Variants in GRAMD1C observed in about 807,000 individuals in gnomAD.
GRAMD1C encodes the protein protein Aster-C.
A neutral mutation model predicts 97.8 loss-of-function variants in GRAMD1C; 89 were observed. The ratio of observed to expected loss-of-function variants is 0.91; its 90% CI spans 0.77 to 1.09. GRAMD1C has a LOEUF of 1.09. Ranked by LOEUF, GRAMD1C falls within the 50% of genes least tolerant of loss-of-function variation. The pLI is 0.00. For missense variants in GRAMD1C, 740 were observed against 766.4 expected (o/e 0.97, Z 0.41); for synonymous variants, 256 against 267.0 (o/e 0.96, Z 0.40).
chr3:113,912,041 C>T (rs1258717973), intron 9 of GRAMD1C, among the ~76,000 whole-genome samples: 1 of 152,058 alleles, frequency 6.6e-6, no homozygotes, highest in Non-Finnish European at 1.5e-5. Flanking sequence ...AACTTAATTA[C>T]TTTCTTTAGA....
chr3:113,897,744 T>G (rs1214802965), intron 6 of GRAMD1C: 1 of 984,850 alleles, frequency 1.0e-6, no homozygotes, highest in Non-Finnish European at 1.2e-6. Context: ...ATCTGATTAC[T>G]GCTTGGTTCA....
intron 10 of GRAMD1C, among the ~76,000 whole-genome samples, chr3:113,920,899 A>G (rs894155125): frequency 6.6e-6 from 1 of 152,136 alleles, no homozygotes; most frequent in Non-Finnish European, 1.5e-5. Flanking sequence ...CAGTTATATG[A>G]CACTACTTTT....
At chr3:113,922,175 A>T (rs1225140848) in intron 10 of GRAMD1C, among the ~76,000 whole-genome samples, 1 of 151,778 alleles carries the variant, frequency 6.6e-6, no homozygotes, top group Non-Finnish European at 1.5e-5. Context: ...GGACTCAAAC[A>T]ATTCTCCTGC....
At chr3:113,878,774 T>A (rs774967189) in intron 5 of GRAMD1C, among the ~76,000 whole-genome samples, 1 of 152,210 alleles carries the variant, frequency 6.6e-6, no homozygotes, top group Non-Finnish European at 1.5e-5. Context: ...AGTTACTTAT[T>A]TAACCACTGG....
upstream of GRAMD1C, among the ~76,000 whole-genome samples, chr3:113,834,723 C>T (rs1186661212): frequency 1.3e-5 from 2 of 148,600 alleles, no homozygotes. Flanking sequence ...ATCATGAGGT[C>T]AGGAGTTCGA....
chr3:113,834,532 C>A (rs892527334), upstream of GRAMD1C, among the ~76,000 whole-genome samples: 2 of 152,060 alleles, frequency 1.3e-5, no homozygotes, highest in African/African-American at 4.8e-5. Flanking sequence ...CAGCAGAATG[C>A]GTTTTCAAAT....
At chr3:113,834,736 C>T (rs969728705), upstream of GRAMD1C, among the ~76,000 whole-genome samples, 27 of 146,138 alleles carry the variant, frequency 1.8e-4, no homozygotes, top group Non-Finnish European at 3.0e-5. Context: ...GAGTTCGAGA[C>T]GAGCCTGATC....
chr3:113,900,935 A>G lies in GRAMD1C; in HGVS notation c.541-96A>G, dbSNP rs1007413717. On this transcript the variant is annotated intron_variant, in intron 6 of 17. Coordinates refer to ENST00000358160, the MANE Select transcript of GRAMD1C (RefSeq NM_017577.5). Reference sequence around the variant, plus strand: ...AAGCCCCATATCTAGTCTTTGCACAACAGGTCATTTTTGACTTCAAAACTC... The same window carrying G: ...AAGCCCCATATCTAGTCTTTGCACAGCAGGTCATTTTTGACTTCAAAACTC... 4 of 683,824 alleles carry G rather than the reference A, an allele frequency of 5.8e-6. No individual in the cohort carries two copies. The East Asian group carries it at 1.1e-4, about 18-fold the overall frequency. The allele number at this position is 683,824 out of a possible 1,614,324, so 42.4% of individuals were successfully genotyped here.
rs1937539092 is a variant in GRAMD1C at position 113,934,454 on chromosome 3, A to C, written c.1375A>C (p.Arg459=). The C allele has an allele frequency of 6.4e-7, 1 of 1,559,674 alleles. No individual in the cohort carries two copies. ...TAGAGTTTCCACAGATTTGAAATAC[A>C]GAAAACAGCCATGGGGCCTTGTCAA... ...RLRVSTDLKY[R]KQPWGLVKSL... Residue 459 remains arginine (R), a synonymous_variant, in exon 13 of 18, where the codon AGA becomes CGA. Transcript: ENST00000358160.
Position 113,945,401 on chromosome 3 carries a change from A to C in GRAMD1C, c.1912A>C (p.Lys638Gln). The C allele has an allele frequency of 6.4e-7, 1 of 1,565,274 alleles. No individual in the cohort carries two copies. Among genetic ancestry groups the C allele is most frequent in the African/African-American group, 1.4e-5 (1 of 73,914 alleles). ...TGAAAATTAACTTTGTTTACAGCTG[A>C]AGAGCTCACTCATTATGCTTCAGAA... The part of the protein sequence containing the change: ...RDSIVMLEQL[K>Q]SSLIMLQKTF... The change falls in exon 18 of 18, where the codon AAG becomes CAG. Residue 638 changes from lysine (K) to glutamine (Q), a missense_variant. Lys to Gln is a moderately conservative substitution (Grantham distance 53). Transcript: ENST00000358160.
intron 6 of GRAMD1C, among the ~76,000 whole-genome samples, chr3:113,894,026 A>G (rs940713854): frequency 2.6e-5 from 4 of 152,192 alleles, no homozygotes; most frequent in Non-Finnish European, 5.9e-5. Flanking sequence ...GTACGGTGAG[A>G]ACAAATGATT....
At chr3:113,913,728 T>C (rs1936698200) in intron 9 of GRAMD1C, among the ~76,000 whole-genome samples, 1 of 152,194 alleles carries the variant, frequency 6.6e-6, no homozygotes, top group South Asian at 2.1e-4. Context: ...CTCCTACTGG[T>C]TTCCCTAAGC....
chr3:113,921,262 T>C (rs1293984997), intron 10 of GRAMD1C, among the ~76,000 whole-genome samples: 1 of 152,234 alleles, frequency 6.6e-6, no homozygotes, highest in African/African-American at 2.4e-5. Flanking sequence ...TATGACTGCA[T>C]ACTATCCCAT....
chr3:113,917,296 C>T (rs1936848483), intron 10 of GRAMD1C, among the ~76,000 whole-genome samples: 1 of 152,116 alleles, frequency 6.6e-6, no homozygotes. Flanking sequence ...TTGACATAGT[C>T]AAAGAGAAAG....
At chr3:113,863,838 A>G (rs1381656849) in intron 2 of GRAMD1C, among the ~76,000 whole-genome samples, 1 of 151,912 alleles carries the variant, frequency 6.6e-6, no homozygotes, top group Non-Finnish European at 1.5e-5. Context: ...CTGACCCCAC[A>G]TTTCTGCTGA....
At chr3:113,895,878 A>T (rs1379417719) in intron 6 of GRAMD1C, among the ~76,000 whole-genome samples, 1 of 152,068 alleles carries the variant, frequency 6.6e-6, no homozygotes, top group Non-Finnish European at 1.5e-5. Context: ...TTGAACCATT[A>T]CCAATGTCTT....
At chr3:113,832,035 C>CTTTTTTTTT (rs1559769031) in intron 1 of GRAMD1C, among the ~76,000 whole-genome samples, 1 of 146,496 alleles carries the variant, frequency 6.8e-6, no homozygotes, top group African/African-American at 2.8e-5. Flanking sequence ...AATGCAGCAA[C>CTTTTTTTTT]TTTGTTTTTT....
At chr3:113,848,538 C>CT (rs1253393477) in intron 2 of GRAMD1C, among the ~76,000 whole-genome samples, 1 of 151,116 alleles carries the variant, frequency 6.6e-6, no homozygotes, top group Non-Finnish European at 1.5e-5. Context: ...GACATTGTGG[C>CT]TCATGCTTAT....
chr3:113,872,092 C>T (rs1934838527), intron 3 of GRAMD1C, among the ~76,000 whole-genome samples: 1 of 152,016 alleles, frequency 6.6e-6, no homozygotes, highest in Non-Finnish European at 1.5e-5. Context: ...AAAAACATTG[C>T]TTATTGGAAG....
Sources: gnomAD v4.1 joint callset for allele counts (sites outside exome capture counted in the v4.1 genomes callset) on GRCh38, gnomAD v4.1.1 for gene constraint, MANE v1.5 for transcripts, NCBI Gene and HGNC (gene_info 2026-07-23, HGNC 2026-07-21) for gene names.